PPFIA2: variants seen among roughly 807,000 people sequenced by gnomAD.
The protein encoded by PPFIA2 is liprin-alpha-2.
PPFIA2 carries 46 observed loss-of-function variants against 175.5 expected under a neutral mutation model. The observed-to-expected ratio is 0.26, with a 90% CI of 0.21 to 0.34. The LOEUF is 0.34. Among genes scored for constraint, PPFIA2 ranks in the 10% least tolerant of loss-of-function variants. The probability of loss-of-function intolerance (pLI) is 1.00; values close to 1 mark genes in which losing one functional copy is unlikely to be tolerated. For synonymous variants in PPFIA2, 568 were observed against 511.4 expected (o/e 1.11, Z -1.49); for missense variants, 1,179 against 1,506.1 (o/e 0.78, Z 3.60).
At chr12:81,367,239 ATATCT>A in intron 13 of PPFIA2, 69 bp from the exon 14 acceptor site, 1 of 998,338 alleles carries the variant, frequency 1.0e-6, no homozygotes, top group Non-Finnish European at 1.3e-6. Context: ...ATATTGATTA[ATATCT>A]TATCACTCAA....
intron 5 of PPFIA2, among the ~76,000 whole-genome samples, chr12:81,447,352 T>C (rs964837108): frequency 2.0e-5 from 3 of 152,180 alleles, no homozygotes; most frequent in Non-Finnish European, 2.9e-5. Flanking sequence ...TGGCATCTGA[T>C]GTCAATCTTT....
chr12:81,506,776 T>C (rs940096648), intron 4 of PPFIA2, among the ~76,000 whole-genome samples: 22 of 152,220 alleles, frequency 1.4e-4, no homozygotes, highest in Admixed American at 4.6e-4. Context: ...AATTTAGGCT[T>C]TTCTGACTAT....
At chr12:81,480,728 A>G (rs1054513992) in intron 4 of PPFIA2, among the ~76,000 whole-genome samples, 7 of 152,222 alleles carry the variant, frequency 4.6e-5, no homozygotes, top group Admixed American at 2.6e-4. Context: ...TTGCCTGGGT[A>G]TCACCAGAGG....
chr12:81,748,693 C>T (rs962823737), intron 3 of PPFIA2, among the ~76,000 whole-genome samples: 1 of 144,554 alleles, frequency 6.9e-6, no homozygotes, highest in African/African-American at 2.4e-5. Flanking sequence ...TCAGCTGAAT[C>T]CCACAAACTC....
intron 5 of PPFIA2, among the ~76,000 whole-genome samples, chr12:81,452,499 A>C (rs1179122177): frequency 6.6e-6 from 1 of 152,192 alleles, no homozygotes; most frequent in African/African-American, 2.4e-5. Context: ...ATGTTTGATT[A>C]TGAAATTGAA....
chr12:81,740,820 T>G lies in PPFIA2; in HGVS notation c.249+13153A>C, dbSNP rs374679569. 4.6e-5 allele frequency among the ~76,000 whole-genome samples: 7 copies of G among 151,974 alleles called. No homozygotes were observed. In the East Asian group the frequency reaches 1.2e-3, roughly 25 times the overall value. On this transcript the variant is annotated intron_variant, in intron 3 of 32. Transcript: ENST00000549396. ...ATCATTCCTTCTGACAGAATAACAATAAGAGCAGGCCAAAAAAAAATAGAA... is the reference window on the plus strand; with the variant it reads ...ATCATTCCTTCTGACAGAATAACAAGAAGAGCAGGCCAAAAAAAAATAGAA...
intron 4 of PPFIA2, among the ~76,000 whole-genome samples, chr12:81,608,896 G>A (rs2060604662): frequency 6.6e-6 from 1 of 151,758 alleles, no homozygotes; most frequent in Non-Finnish European, 1.5e-5. Flanking sequence ...GTGCTAATTT[G>A]AACTCTTTCT....
At chr12:81,337,532 A>G (rs1388534251) in intron 21 of PPFIA2, among the ~76,000 whole-genome samples, 1 of 152,150 alleles carries the variant, frequency 6.6e-6, no homozygotes, top group African/African-American at 2.4e-5. Context: ...ACTTTAACTT[A>G]TATCTTGCAT....
intron 5 of PPFIA2, among the ~76,000 whole-genome samples, chr12:81,455,779 A>T (rs1272796074): frequency 6.6e-6 from 1 of 152,184 alleles, no homozygotes; most frequent in African/African-American, 2.4e-5. Flanking sequence ...TGATGGCCTC[A>T]TGGTTAGTGC....
intron 4 of PPFIA2, among the ~76,000 whole-genome samples, chr12:81,544,201 A>G (rs929301554): frequency 4.6e-5 from 7 of 152,144 alleles, no homozygotes; most frequent in Non-Finnish European, 1.0e-4. Context: ...TTTTTCTGTA[A>G]CCCTAAAAGT....
chr12:81,754,113 T>C lies in PPFIA2; in HGVS notation c.109A>G (p.Asn37Asp). The change falls in exon 3 of 33, where the codon AAT becomes GAT. Residue 37 changes from asparagine to aspartate, a missense_variant. Physicochemically the swap from Asn to Asp is conservative, Grantham distance 23. Transcript: ENST00000549396. ...SDSHFEQLMV[N>D]MLDERDRLLD... is the part of the protein sequence containing the mutation. The stretch of plus-strand genomic sequence containing the variant: ...AGACGATCCCTTTCATCTAGCATAT[T>C]CACCATCAGCTGCTCAAAATGGGAG... The C allele has an allele frequency of 6.2e-7, 1 of 1,613,848 alleles. No individual in the cohort carries two copies. The highest frequency in any genetic ancestry group is 8.5e-7 in the Non-Finnish European group (1 of 1,179,844).
chr12:81,439,199 AATTTT>A (rs1470943942), intron 7 of PPFIA2, among the ~76,000 whole-genome samples: 2 of 149,098 alleles, frequency 1.3e-5, no homozygotes, highest in Non-Finnish European at 3.0e-5. Context: ...ATATATATAT[AATTTT>A]ATTTTATCTA....
chr12:81,631,345 GA>G (rs1013650309), intron 4 of PPFIA2, among the ~76,000 whole-genome samples: 2 of 151,734 alleles, frequency 1.3e-5, no homozygotes, highest in African/African-American at 2.4e-5. Flanking sequence ...GTTGTCTGAT[GA>G]AAAAAAATAC....
intron 4 of PPFIA2, among the ~76,000 whole-genome samples, chr12:81,543,656 G>A (rs2066550423): frequency 1.3e-5 from 2 of 152,072 alleles, no homozygotes; most frequent in Admixed American, 1.3e-4. Context: ...ACAAATGGAA[G>A]TGGAATGAGT....
intron 21 of PPFIA2, among the ~76,000 whole-genome samples, chr12:81,333,944 C>T (rs1217362203): frequency 1.3e-5 from 2 of 152,122 alleles, no homozygotes; most frequent in Non-Finnish European, 2.9e-5. Context: ...AGTTATAAAT[C>T]CCACCTAACT....
intron 8 of PPFIA2, among the ~76,000 whole-genome samples, chr12:81,400,500 A>G (rs1165206437): frequency 6.6e-6 from 1 of 152,130 alleles, no homozygotes; most frequent in Admixed American, 6.6e-5. Flanking sequence ...CTTGCCACTG[A>G]TTCTTCATTT....
intron 24 of PPFIA2, among the ~76,000 whole-genome samples, chr12:81,291,142 G>C (rs1361886928): frequency 6.6e-6 from 1 of 151,656 alleles, no homozygotes; most frequent in Non-Finnish European, 1.5e-5. Flanking sequence ...AATTAACATT[G>C]ATTATCTCTA....
At chr12:81,450,326 G>A (rs886363564) in intron 5 of PPFIA2, among the ~76,000 whole-genome samples, 18 of 152,222 alleles carry the variant, frequency 1.2e-4, no homozygotes, top group African/African-American at 4.1e-4. Context: ...TGTAATGATT[G>A]CCATTCTAAC....
chr12:81,501,891 C>A (rs979216996), intron 4 of PPFIA2, among the ~76,000 whole-genome samples: 14 of 151,984 alleles, frequency 9.2e-5, no homozygotes, highest in African/African-American at 3.4e-4. Context: ...AATTGAAAGC[C>A]AAGGATGCAT....
Sources: allele counts gnomAD v4.1 joint callset (sites outside exome capture counted in the v4.1 genomes callset), GRCh38; gene constraint gnomAD v4.1.1; transcripts MANE v1.5; gene names NCBI Gene and HGNC (gene_info 2026-07-23, HGNC 2026-07-21).